Variants in RBFOX2 observed in about 807,000 individuals in gnomAD.
RBFOX2 encodes the protein RNA binding fox-1 homolog 2, also known as RNA binding protein fox-1 homolog 2.
Under a neutral mutation model 49.1 loss-of-function variants are expected in RBFOX2, and 10 were observed. That is an observed-to-expected ratio of 0.20 (90% CI 0.13 to 0.35). RBFOX2 has a LOEUF of 0.35. Ranked by LOEUF, RBFOX2 falls within the 10% of genes least tolerant of loss-of-function variation. The pLI, the probability that RBFOX2 is intolerant of heterozygous loss-of-function variation, is 1.00. For synonymous variants in RBFOX2, 183 were observed against 187.4 expected, an observed-to-expected ratio of 0.98 and a Z score of 0.19; for missense variants, 323 against 486.9, an observed-to-expected ratio of 0.66 and a Z score of 3.17.
chr22:35,927,966 A>T (rs1478384307), intron 1 of RBFOX2, among the ~76,000 whole-genome samples: 1 of 152,250 alleles, frequency 6.6e-6, no homozygotes, highest in Non-Finnish European at 1.5e-5. Context: ...TCAGAATGTG[A>T]GAACTAATCA....
At chr22:35,849,252 G>T (rs1478022284) in intron 1 of RBFOX2, among the ~76,000 whole-genome samples, 2 of 149,952 alleles carry the variant, frequency 1.3e-5, no homozygotes, top group Admixed American at 1.3e-4. Flanking sequence ...CATTTATATT[G>T]TCCAGCCCAC....
chr22:35,985,902 G>GGATGGATAGATAGATA lies in RBFOX2; in HGVS notation c.186+42337_186+42338insTATCTATCTATCCATC, dbSNP rs1284932502. ...TCTCTAGATAGATAGATAGATAGATGGATAGATAGATAGATAGATAGATAG... is the reference window on the plus strand; with the variant it reads ...TCTCTAGATAGATAGATAGATAGATGGATGGATAGATAGATAGATAGATAGATAGATAGATAGATAG... On this transcript the variant is annotated intron_variant, in intron 1 of 13. Coordinates refer to the RBFOX2 transcript ENST00000438146. Among the ~76,000 whole-genome samples the GGATGGATAGATAGATA allele has an allele frequency of 9.7e-5, 14 of 144,074 alleles. No individual in the cohort carries two copies. In the East Asian group the frequency reaches 1.0e-3, roughly 11 times the overall value. The allele number at this position is 144,074 out of a possible 152,430, so 94.5% of individuals were successfully genotyped here. A position where few individuals can be genotyped will look rare whatever the true frequency, so the allele number is the denominator to read the frequency against.
intron 1 of RBFOX2, among the ~76,000 whole-genome samples, chr22:35,899,190 T>A (rs2048264859): frequency 8.5e-6 from 1 of 117,802 alleles, no homozygotes. Flanking sequence ...ACATAAAAAA[T>A]AAAATAAAAT....
At chr22:35,848,374 C>A (rs575225151) in intron 1 of RBFOX2, among the ~76,000 whole-genome samples, 1 of 151,970 alleles carries the variant, frequency 6.6e-6, no homozygotes, top group Non-Finnish European at 1.5e-5. Flanking sequence ...TTTGAATAAT[C>A]CAAAATAACA....
intron 1 of RBFOX2, among the ~76,000 whole-genome samples, chr22:35,846,079 T>C (rs1367743239): frequency 6.6e-6 from 1 of 150,398 alleles, no homozygotes; most frequent in East Asian, 1.9e-4. Context: ...ACATACACTA[T>C]ATAAGTATAA....
intron 1 of RBFOX2, among the ~76,000 whole-genome samples, chr22:35,858,812 G>C (rs1349840116): frequency 7.0e-6 from 1 of 142,724 alleles, no homozygotes; most frequent in Non-Finnish European, 1.5e-5. Flanking sequence ...GGCAACAAGA[G>C]TGAGACTCTG....
intron 4 of RBFOX2, among the ~76,000 whole-genome samples, chr22:35,775,024 C>T (rs1943547718): frequency 6.6e-6 from 1 of 152,162 alleles, no homozygotes; most frequent in East Asian, 1.9e-4. Flanking sequence ...CTTAGCTAAA[C>T]AATAGGACTA....
intron 9 of RBFOX2, among the ~76,000 whole-genome samples, chr22:35,752,023 A>G (rs1935122319): frequency 6.6e-6 from 1 of 152,182 alleles, no homozygotes; most frequent in South Asian, 2.1e-4. Flanking sequence ...GTATGCTATT[A>G]TCCAAATGAA....
chr22:35,982,372 T>TC (rs1383863435), intron 1 of RBFOX2, among the ~76,000 whole-genome samples: 7 of 152,008 alleles, frequency 4.6e-5, no homozygotes, highest in Admixed American at 1.3e-4. Context: ...TAGACCCTCC[T>TC]CCCCCCATCT....
upstream of RBFOX2, among the ~76,000 whole-genome samples, chr22:35,943,165 G>A (rs28719132): frequency 6.3e-3 from 958 of 152,304 alleles, 10 homozygotes; most frequent in African/African-American, 0.022. Flanking sequence ...GGTAAAAACC[G>A]CAACTATTTT....
intron 1 of RBFOX2, among the ~76,000 whole-genome samples, chr22:35,971,941 C>T (rs946540469): frequency 9.7e-5 from 13 of 133,842 alleles, no homozygotes; most frequent in Non-Finnish European, 1.9e-4. Context: ...AAAAAAAACA[C>T]TCTCTAAAAC....
At chr22:35,905,341 G>C (rs1406593570) in intron 1 of RBFOX2, among the ~76,000 whole-genome samples, 1 of 152,126 alleles carries the variant, frequency 6.6e-6, no homozygotes, top group Non-Finnish European at 1.5e-5. Flanking sequence ...GTGCCACTTA[G>C]TAAGGCAAAA....
intron 1 of RBFOX2, among the ~76,000 whole-genome samples, chr22:35,869,085 C>G (rs751671829): frequency 6.6e-6 from 1 of 152,126 alleles, no homozygotes; most frequent in African/African-American, 2.4e-5. Flanking sequence ...CCTAGGCTAC[C>G]CCACCCCACT....
chr22:35,761,244 G>A (rs759161410), exon 8 of RBFOX2: 1 of 1,614,152 alleles, frequency 6.2e-7, no homozygotes, highest in Non-Finnish European at 8.5e-7. Flanking sequence ...CTTCCTGATA[G>A]GGGCACTGCT....
At chr22:35,946,122 G>A (rs979496059) in intron 1 of RBFOX2, among the ~76,000 whole-genome samples, 48 of 152,132 alleles carry the variant, frequency 3.2e-4, no homozygotes, top group Admixed American at 2.2e-3. Context: ...AATAGTGGTC[G>A]CAGGTGTCTA....
intron 1 of RBFOX2, among the ~76,000 whole-genome samples, chr22:35,873,299 T>C (rs2044601133): frequency 1.3e-5 from 2 of 152,010 alleles, no homozygotes; most frequent in South Asian, 2.1e-4. Context: ...GCCCAGCTGA[T>C]TTTTGCATTT....
At chr22:35,977,713 CTGAA>C (rs1316094776) in intron 1 of RBFOX2, among the ~76,000 whole-genome samples, 9 of 106,020 alleles carry the variant, frequency 8.5e-5, no homozygotes, top group African/African-American at 2.7e-4. Flanking sequence ...TAAATTATAC[CTGAA>C]TGAACTATAT....
rs565093819 is a variant in RBFOX2, at chr22:36,026,041, A to G, written c.186+2199T>C. Among the ~76,000 whole-genome samples the G allele has an allele frequency of 4.6e-5, 7 of 152,130 alleles. No homozygotes were observed. The South Asian group carries it at 1.2e-3, about 27-fold the overall frequency. Reference sequence around the variant, plus strand: ...ACATTTTGGGAGGCTGAGGTGGGTGAATCACCTGAGGTCAGGAGTTCGAGA... The same window carrying G: ...ACATTTTGGGAGGCTGAGGTGGGTGGATCACCTGAGGTCAGGAGTTCGAGA... On this transcript the variant is annotated intron_variant, in intron 1 of 13. Transcript: ENST00000438146.
chr22:35,764,278 T>C (rs1940057817), intron 6 of RBFOX2, among the ~76,000 whole-genome samples: 1 of 151,966 alleles, frequency 6.6e-6, no homozygotes. Context: ...TAGCAGTGGG[T>C]TCAAACTTTT....
Sources: allele counts gnomAD v4.1 joint callset (sites outside exome capture counted in the v4.1 genomes callset), GRCh38; gene constraint gnomAD v4.1.1; transcripts MANE v1.5; gene names NCBI Gene and HGNC (gene_info 2026-07-23, HGNC 2026-07-21).